PLEKHG4B: variants seen among roughly 807,000 people sequenced by gnomAD.
The protein encoded by PLEKHG4B is pleckstrin homology and RhoGEF domain containing G4B.
A neutral mutation model predicts 121.3 loss-of-function variants in PLEKHG4B; 111 were observed. The observed-to-expected ratio is 0.92, with a 90% CI of 0.78 to 1.07. The LOEUF is 1.07. PLEKHG4B is among the 50% of genes least tolerant of loss of function. The probability of loss-of-function intolerance (pLI) is 0.00; values close to 1 mark genes in which losing one functional copy is unlikely to be tolerated. For missense variants in PLEKHG4B, 1,831 were observed against 1,757.8 expected (o/e 1.04, Z -0.74); for synonymous variants, 738 against 725.0 (o/e 1.02, Z -0.29).
rs1298715217 is a variant in PLEKHG4B at position 140,163 on chromosome 5, G to A, written c.924G>A (p.Ser308=). The A allele has an allele frequency of 9.9e-6, 8 of 811,500 alleles. No individual in the cohort carries two copies. The highest frequency in any genetic ancestry group is 3.7e-4 in the Middle Eastern group (1 of 2,694). 50.3% of individuals were successfully genotyped at this position (811,500 alleles called of 1,614,324 possible). The change falls in exon 3 of 20, where the codon TCG becomes TCA. Residue 308 remains serine, a synonymous_variant. Transcript: ENST00000637938. ...PRMPPENCGG[S]GERPDPMDQE... is the part of the protein sequence containing the mutation. ...TGCCCCCTGAGAACTGTGGGGGGTC[G>A]GGGGAGAGGCCGGACCCCATGGACC... is the stretch of plus-strand genomic sequence containing the variant.
At chr5:101,609 G>T (rs371357151) in intron 1 of PLEKHG4B, among the ~76,000 whole-genome samples, 1 of 83,104 alleles carries the variant, frequency 1.2e-5, no homozygotes, top group Admixed American at 1.1e-4. Context: ...AAAGCCCTGG[G>T]AAAAGTCTGT....
In PLEKHG4B at chr5:181,516, C is replaced by T. The variant is rs1417933751; in HGVS notation, c.4405C>T (p.Leu1469Phe). Residue 1469 changes from leucine (L) to phenylalanine (F), a missense_variant and splice_region_variant, in exon 19 of 20, where the codon CTC becomes TTC. Physicochemically the swap from Leu to Phe is conservative, Grantham distance 22 (BLOSUM62 0). Coordinates refer to ENST00000637938, the MANE Select transcript of PLEKHG4B (RefSeq NM_052909.5). ...LWRQALKSRE[L>F]RIQEMASMGI... is the part of the protein sequence containing the mutation. ...TGTCATACTTTCTTCTGTCTTAGAA[C>T]TCAGAATCCAAGAAATGGCATCCAT... 1 of 1,613,346 alleles carries T rather than the reference C, an allele frequency of 6.2e-7. No individual in the cohort carries two copies. The highest frequency in any genetic ancestry group is 8.5e-7 in the Non-Finnish European group (1 of 1,179,638).
intron 2 of PLEKHG4B, among the ~76,000 whole-genome samples, chr5:119,599 T>C (rs1734409320): frequency 6.6e-6 from 1 of 152,078 alleles, no homozygotes; most frequent in African/African-American, 2.4e-5. Flanking sequence ...GCATCGTCCT[T>C]CAAAGCCACC....
Position 140,199 on chromosome 5 carries a change from A to G in PLEKHG4B, c.960A>G (p.Arg320=). The G allele has an allele frequency of 8.3e-7, 1 of 1,207,372 alleles. No individual in the cohort carries two copies. 74.8% of individuals were successfully genotyped at this position (1,207,372 alleles called of 1,614,324 possible). The change falls in exon 3 of 20, where the codon AGA becomes AGG. Residue 320 remains arginine, a synonymous_variant. Transcript: ENST00000637938. ...ERPDPMDQED[R]PKALTFHTDL... is the part of the protein sequence containing the mutation. Reference sequence around the variant, plus strand: ...CGGACCCCATGGACCAGGAGGACAGACCCAAGGCCCTCACCTTCCACACAG... The same window carrying G: ...CGGACCCCATGGACCAGGAGGACAGGCCCAAGGCCCTCACCTTCCACACAG...
Position 171,398 on chromosome 5 carries a change from G to C in PLEKHG4B, c.4004G>C (p.Arg1335Pro), listed in dbSNP as rs774446632. ...AAEVVVCFQLRHGNDLLAMDA... is the reference protein window; with the variant it reads ...AAEVVVCFQLPHGNDLLAMDA... ...GAGGTCGTGGTCTGCTTCCAGCTGC[G>C]TCACGGCAATGACCTGCTGGCCATG... The change falls in exon 16 of 20, where the codon CGT (arginine) becomes CCT (proline). Residue 1335 changes from arginine (R) to proline (P), a missense_variant. By Grantham distance (103) the Arg-to-Pro change is moderately radical. Coordinates refer to ENST00000637938, the MANE Select transcript of PLEKHG4B (RefSeq NM_052909.5). The C allele has an allele frequency of 6.2e-7, 1 of 1,608,224 alleles. No individual in the cohort carries two copies. The highest frequency in any genetic ancestry group is 1.1e-5 in the South Asian group (1 of 91,018).
In PLEKHG4B at chr5:162,077, C is replaced by T. The variant is rs931545924; in HGVS notation, c.2649+133C>T. ...AGGCCGGGCACCTGCGATGGAGCCCCCCTGGCCACTGCGCCCACGGCTCTC... is the reference window on the plus strand; with the variant it reads ...AGGCCGGGCACCTGCGATGGAGCCCTCCTGGCCACTGCGCCCACGGCTCTC... On this transcript the variant is annotated intron_variant, in intron 12 of 19. Transcript: ENST00000637938. The T allele has an allele frequency of 5.5e-5, 65 of 1,184,286 alleles. No individual in the cohort carries two copies. In the African/African-American group the frequency reaches 8.4e-4, roughly 15 times the overall value. The allele number at this position is 1,184,286 out of a possible 1,614,324, so 73.4% of individuals were successfully genotyped here.
rs763454448 is a variant in PLEKHG4B, at chr5:155,357, T to C, written c.2122T>C (p.Phe708Leu). 6.2e-7 allele frequency: 1 copy of C among 1,614,158 alleles called. No homozygotes were observed. The highest frequency in any genetic ancestry group is 8.5e-7 in the Non-Finnish European group (1 of 1,179,978). ...CAACTCACAACAGAGGCTGGAACAC[T>C]TCGCTGCAAACTGTGAAGAAGCCAT... The part of the protein sequence containing the change: ...WICFRQRLEH[F>L]AANCEEAIIF... The change falls in exon 9 of 20, where the codon TTC (phenylalanine) becomes CTC (leucine). Residue 708 changes from phenylalanine to leucine, a missense_variant. Coordinates refer to ENST00000637938, the MANE Select transcript of PLEKHG4B (RefSeq NM_052909.5).
At chr5:108,691 G>A (rs1256403921) in intron 1 of PLEKHG4B, among the ~76,000 whole-genome samples, 1 of 138,734 alleles carries the variant, frequency 7.2e-6, no homozygotes, top group Non-Finnish European at 1.5e-5. Flanking sequence ...GGTGTAGACT[G>A]AGTGCAGATG....
rs547156855 is a variant in PLEKHG4B at position 144,909 on chromosome 5, T to G, written c.1894T>G (p.Ser632Ala). The G allele has an allele frequency of 6.2e-7, 1 of 1,613,128 alleles. No individual in the cohort carries two copies. Among genetic ancestry groups the G allele is most frequent in the African/African-American group, 1.3e-5 (1 of 75,016 alleles). Residue 632 changes from serine (S) to alanine (A), a missense_variant, in exon 6 of 20, where the codon TCA (serine) becomes GCA (alanine). Ser to Ala is a moderately conservative substitution (Grantham distance 99). Coordinates refer to ENST00000637938, the MANE Select transcript of PLEKHG4B (RefSeq NM_052909.5). Reference sequence around the variant, plus strand: ...TGCCCCTGCCGTCTCCCAGGCCCTCTCAGGATTGCAGGTACGGCAAGGTTG... The same window carrying G: ...TGCCCCTGCCGTCTCCCAGGCCCTCGCAGGATTGCAGGTACGGCAAGGTTG... ...PAAPAVSQAL[S>A]GLQNNTSPII... is the part of the protein sequence containing the mutation.
intron 1 of PLEKHG4B, among the ~76,000 whole-genome samples, chr5:98,360 C>T (rs925399855): frequency 6.7e-6 from 1 of 149,746 alleles, no homozygotes; most frequent in Non-Finnish European, 1.5e-5. Context: ...GGTTTGTTTC[C>T]AGACCTCAAT....
Position 182,105 on chromosome 5 carries a change from A to G in PLEKHG4B, c.4666A>G (p.Ser1556Gly). ...CTCAGACAGCAGCACCTCCTCTTCT[A>G]GCAGCCAGTCCTCCTCCATCCTGGG... ...TISDSSTSSS[S>G]SQSSSILGSL... The change falls in exon 20 of 20, where the codon AGC (serine) becomes GGC (glycine). Residue 1556 changes from serine to glycine, a missense_variant. By Grantham distance (56) the Ser-to-Gly change is moderately conservative (BLOSUM62 0). Transcript: ENST00000637938. The G allele has an allele frequency of 6.2e-7, 1 of 1,614,086 alleles. No homozygotes were observed. The highest frequency in any genetic ancestry group is 1.3e-5 in the African/African-American group (1 of 75,048).
intron 18 of PLEKHG4B, among the ~76,000 whole-genome samples, chr5:180,471 A>G (rs1375639222): frequency 6.6e-6 from 1 of 152,202 alleles, no homozygotes; most frequent in Non-Finnish European, 1.5e-5. Context: ...CTCTCTGCTC[A>G]TCGGCCACCA....
At chr5:150,915 G>A (rs1156987632) in intron 6 of PLEKHG4B, among the ~76,000 whole-genome samples, 17 of 152,198 alleles carry the variant, frequency 1.1e-4, no homozygotes, top group Admixed American at 1.1e-3. Flanking sequence ...ACCCATGATT[G>A]CCAAAAACTG....
chr5:125,179 TGTTTAAAGTA>T (rs1734577177), intron 2 of PLEKHG4B, among the ~76,000 whole-genome samples: 1 of 152,242 alleles, frequency 6.6e-6, no homozygotes, highest in African/African-American at 2.4e-5. Context: ...AACACATTTA[TGTTTAAAGTA>T]GTTACTGATA....
intron 11 of PLEKHG4B, among the ~76,000 whole-genome samples, chr5:160,180 C>T (rs1735946253): frequency 6.6e-6 from 1 of 152,226 alleles, no homozygotes; most frequent in Non-Finnish European, 1.5e-5. Context: ...GTGGCGGCCT[C>T]GGCACCCTGT....
At chr5:150,141 C>A (rs62344134) in intron 6 of PLEKHG4B, among the ~76,000 whole-genome samples, 27,854 of 152,138 alleles carry the variant, frequency 0.18, 3,469 homozygotes, top group African/African-American at 0.35. Context: ...AATGGATAAG[C>A]AAAATGTGGC....
chr5:163,139 G>A lies in PLEKHG4B; in HGVS notation c.3067G>A (p.Gly1023Arg), dbSNP rs141146943. 1.2e-4 allele frequency: 193 copies of A among 1,557,124 alleles called. No individual in the cohort carries two copies. Among genetic ancestry groups the A allele is most frequent in the East Asian group, 7.4e-4 (32 of 43,398 alleles). ...ACGAGCGCTTCTGTGTGGACAGGAC[G>A]GGGAGACCCTGCGCCCAGGGCTGTG... ...PGRALLCGQDGETLRPGLCAL... is the reference protein window; with the variant it reads ...PGRALLCGQDRETLRPGLCAL... Residue 1023 changes from glycine (G) to arginine (R), a missense_variant, in exon 13 of 20, where the codon GGG (glycine) becomes AGG (arginine). Gly to Arg is a moderately radical substitution (Grantham distance 125, BLOSUM62 -2). Coordinates refer to ENST00000637938, the MANE Select transcript of PLEKHG4B (RefSeq NM_052909.5).
chr5:163,373 C>A lies in PLEKHG4B; in HGVS notation c.3301C>A (p.Pro1101Thr), dbSNP rs753788822. The A allele has an allele frequency of 6.2e-7, 1 of 1,613,244 alleles. No homozygotes were observed. The highest frequency in any genetic ancestry group is 8.5e-7 in the Non-Finnish European group (1 of 1,180,032). The change falls in exon 13 of 20, where the codon CCA (proline) becomes ACA (threonine). Residue 1101 changes from proline (P) to threonine (T), a missense_variant. Transcript: ENST00000637938. ...CAGTGGCCCCAGGGACTCCTGCCAGCCAGACCATACTAGTGTCTTCAGCAA... is the reference window on the plus strand; with the variant it reads ...CAGTGGCCCCAGGGACTCCTGCCAGACAGACCATACTAGTGTCTTCAGCAA... ...PDSGPRDSCQ[P>T]DHTSVFSKGL...
At chr5:168,620 CA>C (rs1157372042) in intron 13 of PLEKHG4B, among the ~76,000 whole-genome samples, 1 of 152,194 alleles carries the variant, frequency 6.6e-6, no homozygotes, top group Non-Finnish European at 1.5e-5. Flanking sequence ...ACCTTATGTT[CA>C]GAGTTTCAGT....
Sources: gnomAD v4.1 joint callset for allele counts (sites outside exome capture counted in the v4.1 genomes callset) on GRCh38, gnomAD v4.1.1 for gene constraint, MANE v1.5 for transcripts, NCBI Gene and HGNC (gene_info 2026-07-23, HGNC 2026-07-21) for gene names.